DMD: variants seen among roughly 807,000 people sequenced by gnomAD.
The protein encoded by DMD is mutant dystrophin.
In DMD, 63 loss-of-function variants were observed where a neutral mutation model predicts 330.1. The ratio of observed to expected loss-of-function variants is 0.19; its 90% CI spans 0.16 to 0.24. DMD has a LOEUF of 0.24. Among genes scored for constraint, DMD ranks in the 10% least tolerant of loss-of-function variants. The pLI is 1.00. For missense variants in DMD, 3,344 were observed against 2,684.1 expected, an observed-to-expected ratio of 1.25 and a Z score of -5.43; for synonymous variants, 1,223 against 959.8, an observed-to-expected ratio of 1.27 and a Z score of -5.07.
At chrX:33,008,854 G>C (rs866759152) in intron 2 of DMD, among the ~76,000 whole-genome samples, 1 of 54,770 alleles carries the variant, frequency 1.8e-5, no homozygotes, top group Admixed American at 1.9e-4. Flanking sequence ...ATATGTATAC[G>C]TGTATATATA....
At chrX:31,526,163 G>C (rs1219698218) in intron 55 of DMD, among the ~76,000 whole-genome samples, 3 of 112,354 alleles carry the variant, frequency 2.7e-5, no homozygotes, top group African/African-American at 9.7e-5. Context: ...AGGGAAAATT[G>C]GGAAGGAAAA....
chrX:32,861,696 C>A (rs964635216), intron 2 of DMD, among the ~76,000 whole-genome samples: 10 of 111,564 alleles, frequency 9.0e-5, no homozygotes, highest in Non-Finnish European at 1.9e-5. Context: ...GATGGAATTT[C>A]TTTCCTCTCT....
chrX:31,866,221 C>T (rs1279555864), intron 48 of DMD, among the ~76,000 whole-genome samples: 2 of 111,385 alleles, frequency 1.8e-5, no homozygotes, highest in Non-Finnish European at 3.8e-5. Flanking sequence ...TTTGTCCATC[C>T]ATGACAGACC....
intron 60 of DMD, among the ~76,000 whole-genome samples, chrX:31,410,178 T>C (rs2061577082): frequency 8.9e-6 from 1 of 112,406 alleles, no homozygotes; most frequent in African/African-American, 3.2e-5. Flanking sequence ...AACATGATCA[T>C]AGAAAAGTAT....
intron 7 of DMD, among the ~76,000 whole-genome samples, chrX:32,789,909 C>A (rs1217171364): frequency 1.8e-5 from 2 of 112,123 alleles, no homozygotes. Flanking sequence ...GCAATATTAA[C>A]ATCTCACAAG....
In DMD at chrX:32,449,029, T is replaced by C. The variant is rs199510081; in HGVS notation, c.3604-391A>G. 4.5e-5 allele frequency among the ~76,000 whole-genome samples: 5 copies of C among 111,327 alleles called. No individual in the cohort carries two copies. The East Asian group carries it at 1.4e-3, about 31-fold the overall frequency. On this transcript the variant is annotated intron_variant, in intron 26 of 78. Transcript: ENST00000357033. ...TGAAATCACTTATAAATTACTTGGATGAATAATATTGAAACCATCACAAAT... is the reference window on the plus strand; with the variant it reads ...TGAAATCACTTATAAATTACTTGGACGAATAATATTGAAACCATCACAAAT...
At chrX:32,377,747 G>T (rs2097909615) in intron 34 of DMD, among the ~76,000 whole-genome samples, 1 of 111,439 alleles carries the variant, frequency 9.0e-6, no homozygotes, top group Non-Finnish European at 1.9e-5. Flanking sequence ...TTCACAGAAG[G>T]TTACATGATG....
intron 17 of DMD, among the ~76,000 whole-genome samples, chrX:32,519,431 C>A (rs28609843): frequency 9.0e-6 from 1 of 110,900 alleles, no homozygotes; most frequent in Non-Finnish European, 1.9e-5. Context: ...TGATCATCAG[C>A]CTACCCTATG....
chrX:33,083,153 G>A (rs938873529), intron 1 of DMD, among the ~76,000 whole-genome samples: 2 of 111,796 alleles, frequency 1.8e-5, no homozygotes, highest in Admixed American at 9.5e-5. Context: ...CAGAAGAACG[G>A]AGTGGCGTCT....
At chrX:31,628,060 G>A (rs187861369) in intron 54 of DMD, among the ~76,000 whole-genome samples, 198 bp from the exon 55 acceptor site, 1 of 110,834 alleles carries the variant, frequency 9.0e-6, no homozygotes, top group African/African-American at 3.3e-5. Flanking sequence ...TAACTTAAAG[G>A]CGTTTGTATG....
rs2147314005 is a variant in DMD, at chrX:32,036,615, A to G, written c.6439-68101T>C. On this transcript the variant is annotated intron_variant, in intron 44 of 78. Coordinates refer to ENST00000357033, the MANE Select transcript of DMD (RefSeq NM_004006.3). ...TGAAGCACCTGAGGGACATCTAAAT[A>G]GAGATCTATTAGACATTTGTGTATT... Among the ~76,000 whole-genome samples, 2 of 111,547 alleles carry G rather than the reference A, an allele frequency of 1.8e-5. 1 individual carries two copies. The highest frequency in any genetic ancestry group is 7.5e-4 in the South Asian group (2 of 2,666).
chrX:32,300,362 G>C lies in DMD; in HGVS notation c.6117+9720C>G, dbSNP rs140165638. On this transcript the variant is annotated intron_variant, in intron 42 of 78. Transcript: ENST00000357033. Reference sequence around the variant, plus strand: ...AGAAGTCCACATGCATTTCCTGGCTGAGTTTCCTTATGGTTTCCTCACAGC... The same window carrying C: ...AGAAGTCCACATGCATTTCCTGGCTCAGTTTCCTTATGGTTTCCTCACAGC... 9.5e-3 allele frequency among the ~76,000 whole-genome samples: 1,059 copies of C among 111,462 alleles called. 8 individuals are homozygous for C. Among genetic ancestry groups the C allele is most frequent in the Non-Finnish European group, 0.016 (842 of 52,929 alleles).
At chrX:32,671,054 T>G (rs1450032451) in intron 9 of DMD, among the ~76,000 whole-genome samples, 3 of 111,000 alleles carry the variant, frequency 2.7e-5, no homozygotes, top group African/African-American at 9.8e-5. Context: ...ACAGTTTATG[T>G]TGGAACACAA....
intron 2 of DMD, among the ~76,000 whole-genome samples, chrX:32,882,105 G>T (rs1271844179): frequency 8.9e-6 from 1 of 111,971 alleles, no homozygotes; most frequent in East Asian, 2.8e-4. Flanking sequence ...CCCTGCTGCA[G>T]AAATACCAGC....
chrX:31,326,592 A>T (rs902929186), intron 61 of DMD, among the ~76,000 whole-genome samples: 2 of 79,139 alleles, frequency 2.5e-5, no homozygotes, highest in African/African-American at 7.5e-5. Flanking sequence ...TTGACACAAT[A>T]AAAAAAAAAA....
intron 77 of DMD, among the ~76,000 whole-genome samples, chrX:31,133,228 A>G (rs1299188680): frequency 8.9e-6 from 1 of 112,185 alleles, no homozygotes; most frequent in African/African-American, 3.2e-5. Context: ...CACTGGCCAC[A>G]AAGCCTTGTG....
chrX:32,746,420 G>A lies in DMD; in HGVS notation c.650-47127C>T, dbSNP rs566913516. On this transcript the variant is annotated intron_variant, in intron 7 of 78. Transcript: ENST00000357033. ...AAATGAGTTAAGAAGCAGTGGTCTA[G>A]GGCAGGCTATGGTTCTCAAAGTGTG... Among the ~76,000 whole-genome samples the A allele has an allele frequency of 1.2e-3, 131 of 111,844 alleles. 1 individual carries two copies. Among genetic ancestry groups the A allele is most frequent in the African/African-American group, 4.1e-3 (126 of 30,786 alleles).
chrX:32,550,065 T>C (rs2049375947), intron 16 of DMD, among the ~76,000 whole-genome samples: 1 of 111,856 alleles, frequency 8.9e-6, no homozygotes, highest in Admixed American at 9.5e-5. Flanking sequence ...TACACAAACC[T>C]AGATGGTACA....
intron 7 of DMD, among the ~76,000 whole-genome samples, chrX:32,733,010 G>C (rs1320319604): frequency 9.0e-6 from 1 of 110,600 alleles, no homozygotes; most frequent in South Asian, 3.8e-4. Context: ...GCTGTATTCA[G>C]GAAACCCATC....
Sources: allele counts gnomAD v4.1 joint callset (sites outside exome capture counted in the v4.1 genomes callset), GRCh38; gene constraint gnomAD v4.1.1; transcripts MANE v1.5; gene names NCBI Gene and HGNC (gene_info 2026-07-23, HGNC 2026-07-21).